STAU1: variants seen among roughly 807,000 people sequenced by gnomAD.
STAU1 encodes the protein double-stranded RNA-binding protein Staufen homolog 1.
STAU1 carries 13 observed loss-of-function variants against 62.9 expected under a neutral mutation model. That is an observed-to-expected ratio of 0.21 (90% CI 0.13 to 0.33). The LOEUF (loss-of-function observed/expected upper bound fraction) is 0.33, where lower values mean the gene tolerates loss of function less well. Ranked by LOEUF, STAU1 falls within the 10% of genes least tolerant of loss-of-function variation. The pLI is 1.00. For synonymous variants in STAU1, 269 were observed against 265.1 expected, an observed-to-expected ratio of 1.01 and a Z score of -0.14; for missense variants, 571 against 712.1, an observed-to-expected ratio of 0.80 and a Z score of 2.25.
chr20:49,160,414 GAAAC>G (rs1442804071), intron 3 of STAU1, among the ~76,000 whole-genome samples: 1 of 152,194 alleles, frequency 6.6e-6, no homozygotes, highest in African/African-American at 2.4e-5. Flanking sequence ...GTTAGGATCA[GAAAC>G]AGACAGCGTC....
At chr20:49,158,330 C>A in intron 3 of STAU1, 1 of 731,436 alleles carries the variant, frequency 1.4e-6, no homozygotes, top group African/African-American at 1.9e-5. Flanking sequence ...CTGATGTAAT[C>A]ACTGAATATC....
chr20:49,130,824 G>A (rs2092732763), intron 6 of STAU1, among the ~76,000 whole-genome samples: 1 of 152,112 alleles, frequency 6.6e-6, no homozygotes, highest in African/African-American at 2.4e-5. Context: ...CCTAATCCTA[G>A]CTACTTGGGA....
chr20:49,139,496 A>T (rs2092960766), intron 5 of STAU1, among the ~76,000 whole-genome samples: 1 of 152,194 alleles, frequency 6.6e-6, no homozygotes, highest in African/African-American at 2.4e-5. Context: ...AGGCCGAAGC[A>T]GGTGGGTCAC....
chr20:49,123,276 C>T (rs371245319), intron 7 of STAU1, 41 bp from the exon 8 acceptor site: 768 of 1,613,962 alleles, frequency 4.8e-4, no homozygotes, highest in Non-Finnish European at 5.8e-4. Flanking sequence ...ATGTTATTCA[C>T]CGCATGAACT....
intron 3 of STAU1, among the ~76,000 whole-genome samples, chr20:49,161,966 C>T (rs1461593971): frequency 6.6e-6 from 1 of 152,140 alleles, no homozygotes; most frequent in Non-Finnish European, 1.5e-5. Context: ...GATTTGAAAT[C>T]AGATGAATCA....
the STAU1 span, among the ~76,000 whole-genome samples, chr20:49,203,832 G>C: frequency 6.6e-6 from 1 of 151,826 alleles, no homozygotes; most frequent in Non-Finnish European, 1.5e-5. Context: ...GATTACAGGC[G>C]TGCGCCACCA....
At chr20:49,172,263 A>G (rs1418113702) in intron 2 of STAU1, among the ~76,000 whole-genome samples, 3 of 152,204 alleles carry the variant, frequency 2.0e-5, no homozygotes, top group African/African-American at 7.2e-5. Context: ...AAAGTGAAAA[A>G]CAATTTACCT....
chr20:49,164,231 T>C (rs1445706968), intron 3 of STAU1, among the ~76,000 whole-genome samples: 3 of 151,852 alleles, frequency 2.0e-5, no homozygotes, highest in Non-Finnish European at 2.9e-5. Context: ...CTCTGTCTCA[T>C]AAATAAATAA....
chr20:49,117,023 G>A lies in STAU1; in HGVS notation c.1632+103C>T. On this transcript the variant is annotated intron_variant, in intron 12 of 13. Coordinates refer to ENST00000371856, the MANE Select transcript of STAU1 (RefSeq NM_017453.4). The surrounding 1 kb of genome is among the most constrained non-coding windows in gnomAD (Gnocchi z 4.6). ...GATTCATTGCTCTCAAGGTCTATGG[G>A]ACAATCTTTCTCCCATCTTCCTCAG... 1.4e-6 allele frequency: 2 copies of A among 1,456,552 alleles called. No homozygotes were observed. The highest frequency in any genetic ancestry group is 9.4e-7 in the Non-Finnish European group (1 of 1,063,698). The allele number at this position is 1,456,552 out of a possible 1,614,324, so 90.2% of individuals were successfully genotyped here.
At chr20:49,176,644 T>C (rs779365009) in intron 1 of STAU1, among the ~76,000 whole-genome samples, 12 of 152,190 alleles carry the variant, frequency 7.9e-5, no homozygotes, top group Non-Finnish European at 1.5e-4. Context: ...TTTTCATAGA[T>C]AGTATATTAT....
the STAU1 span, among the ~76,000 whole-genome samples, chr20:49,196,941 G>A: frequency 1.3e-5 from 2 of 152,136 alleles, no homozygotes; most frequent in Non-Finnish European, 2.9e-5. Context: ...CGGATTGCCT[G>A]AGCTCGGGAG....
intron 1 of STAU1, 121 bp from the exon 2 acceptor site, chr20:49,174,390 G>A (rs143796880): frequency 1.6e-4 from 25 of 152,294 alleles, no homozygotes; most frequent in African/African-American, 4.8e-4. Context: ...AAGGCATGAC[G>A]TCATGGTTTG....
At chr20:49,187,154 A>G (rs186844763) in intron 1 of STAU1, among the ~76,000 whole-genome samples, 1 of 152,244 alleles carries the variant, frequency 6.6e-6, no homozygotes. Flanking sequence ...TGCTCAACTC[A>G]AGGGAAGCTT....
intron 7 of STAU1, 131 bp downstream of exon 7, chr20:49,124,244 G>A: frequency 1.1e-6 from 1 of 886,756 alleles, no homozygotes; most frequent in South Asian, 1.6e-5. Context: ...CACCTCTAAG[G>A]GGTCTGGCAG....
intron 5 of STAU1, among the ~76,000 whole-genome samples, chr20:49,140,959 T>G (rs565886226): frequency 6.7e-6 from 1 of 148,236 alleles, no homozygotes; most frequent in South Asian, 2.1e-4. Flanking sequence ...GCATCCAGAG[T>G]TTTTTTTAAT....
rs765488762 is a variant in STAU1 at position 49,113,544 on chromosome 20, T to A, written c.*1334A>T. 1 of 152,610 alleles carries A rather than the reference T, an allele frequency of 6.6e-6. No individual in the cohort carries two copies. Among genetic ancestry groups the A allele is most frequent in the South Asian group, 2.1e-4 (1 of 4,834 alleles). The allele number at this position is 152,610 out of a possible 1,614,324, so 9.5% of individuals were successfully genotyped here. On this transcript the variant is annotated 3_prime_UTR_variant, in exon 14 of 14. Transcript: ENST00000371856. ...AAAATTTAGTATTACCATTTATTGA[T>A]GACAAACACTTAAGTTTTACTTACA...
chr20:49,166,056 C>T lies in STAU1; in HGVS notation c.146G>A (p.Arg49Lys), dbSNP rs2093521154. ...GGGTAAAGCAGAGTTTTGAATGGGT[C>T]TACCTGCATTTTCAGAGGGCAGAGA... ...TSSLPSENAG[R>K]PIQNSALPSA... The change falls in exon 3 of 14, where the codon AGA becomes AAA. Residue 49 changes from arginine to lysine, a missense_variant. By Grantham distance (26) the Arg-to-Lys change is conservative. Transcript: ENST00000371856. 2 of 1,614,178 alleles carry T rather than the reference C, an allele frequency of 1.2e-6. No homozygotes were observed. The highest frequency in any genetic ancestry group is 1.7e-6 in the Non-Finnish European group (2 of 1,180,036).
In STAU1 at chr20:49,178,374, G is replaced by T. The variant is rs150142723; in HGVS notation, c.-159-4105C>A. Among the ~76,000 whole-genome samples the T allele has an allele frequency of 1.6e-4, 25 of 152,282 alleles. No individual in the cohort carries two copies. The South Asian group carries it at 3.7e-3, about 23-fold the overall frequency. On this transcript the variant is annotated intron_variant, in intron 1 of 13. Transcript: ENST00000371856. ...CAGGCCTGTAATCCCAGCACTTTGG[G>T]AGGCCAAGGTGGGCCAATCACCTGA...
At chr20:49,133,046 A>G (rs2092786277) in intron 6 of STAU1, among the ~76,000 whole-genome samples, 1 of 152,128 alleles carries the variant, frequency 6.6e-6, no homozygotes, top group Non-Finnish European at 1.5e-5. Context: ...ATAAGCACTC[A>G]CGCCACCAAC....
Sources: allele counts gnomAD v4.1 joint callset (sites outside exome capture counted in the v4.1 genomes callset), GRCh38; gene constraint gnomAD v4.1.1; non-coding constraint Gnocchi (gnomAD v3.1); transcripts MANE v1.5; gene names NCBI Gene and HGNC (gene_info 2026-07-23, HGNC 2026-07-21).